SPTY2D1: variants seen among roughly 807,000 people sequenced by gnomAD.
The protein encoded by SPTY2D1 is SPT2 chromatin protein domain containing 1, also known as protein SPT2 homolog.
In SPTY2D1, 21 loss-of-function variants were observed where a neutral mutation model predicts 64.0. The observed-to-expected ratio is 0.33, with a 90% CI of 0.23 to 0.47. The LOEUF is 0.47. Ranked by LOEUF, SPTY2D1 falls within the 20% of genes least tolerant of loss-of-function variation. The pLI, the probability that SPTY2D1 is intolerant of heterozygous loss-of-function variation, is 1.00. For missense variants in SPTY2D1, 724 were observed against 837.2 expected (o/e 0.86, Z 1.67); for synonymous variants, 287 against 286.8 (o/e 1.00, Z -0.01).
At chr11:18,623,244 AG>A (rs889274585) in intron 1 of SPTY2D1, among the ~76,000 whole-genome samples, 3 of 152,196 alleles carry the variant, frequency 2.0e-5, no homozygotes, top group Admixed American at 6.5e-5. Flanking sequence ...ATGTTGTTGA[AG>A]GGTCAACTGC....
At chr11:18,631,604 A>AAC (rs1554989514) in intron 1 of SPTY2D1, among the ~76,000 whole-genome samples, 1 of 48,398 alleles carries the variant, frequency 2.1e-5, no homozygotes, top group Non-Finnish European at 5.2e-5. Flanking sequence ...ATAGATAACA[A>AAC]AAAAAAAAAA....
chr11:18,626,544 C>T (rs1854502160), intron 1 of SPTY2D1, among the ~76,000 whole-genome samples: 1 of 152,164 alleles, frequency 6.6e-6, no homozygotes, highest in Non-Finnish European at 1.5e-5. Context: ...ACACGCCCCT[C>T]ATTCAACACA....
intron 1 of SPTY2D1, among the ~76,000 whole-genome samples, chr11:18,625,042 C>T (rs1854473731): frequency 6.6e-6 from 1 of 152,100 alleles, no homozygotes. Flanking sequence ...TGTTCTTTAC[C>T]CAGGAGATAA....
At chr11:18,609,976 GT>G in intron 5 of SPTY2D1, 22 bp from the exon 6 acceptor site, 1 of 1,602,298 alleles carries the variant, frequency 6.2e-7, no homozygotes, top group Non-Finnish European at 8.5e-7. Context: ...TTTTTAAAGG[GT>G]ATTTGTCAAT....
chr11:18,623,192 G>T (rs1441502417), intron 1 of SPTY2D1, among the ~76,000 whole-genome samples: 1 of 151,810 alleles, frequency 6.6e-6, no homozygotes, highest in African/African-American at 2.4e-5. Flanking sequence ...AAACTTATTG[G>T]AAAAAAATCC....
chr11:18,609,757 T>C lies in SPTY2D1; in HGVS notation c.*104A>G. ...ACAGTATGCATTCCTTCTCCTTGAG[T>C]ACCCAAGTATAAATCTAAAATGATA... On this transcript the variant is annotated 3_prime_UTR_variant, in exon 6 of 6. Coordinates refer to ENST00000336349, the MANE Select transcript of SPTY2D1 (RefSeq NM_194285.3). The C allele has an allele frequency of 1.1e-6, 1 of 930,662 alleles. No individual in the cohort carries two copies. Among genetic ancestry groups the C allele is most frequent in the Non-Finnish European group, 1.7e-6 (1 of 598,804 alleles). 57.7% of individuals were successfully genotyped at this position (930,662 alleles called of 1,614,324 possible).
chr11:18,613,678 T>C (rs945234237), intron 3 of SPTY2D1, among the ~76,000 whole-genome samples: 1 of 152,164 alleles, frequency 6.6e-6, no homozygotes, highest in Admixed American at 6.5e-5. Flanking sequence ...CATTGGTTCC[T>C]TTTTATATTC....
At chr11:18,620,653 A>C (rs532280029) in intron 1 of SPTY2D1, among the ~76,000 whole-genome samples, 1 of 151,546 alleles carries the variant, frequency 6.6e-6, no homozygotes, top group Non-Finnish European at 1.5e-5. Flanking sequence ...TTGGGAGGCC[A>C]AGGCGGGCGG....
rs1308055889 is a variant in SPTY2D1 at position 18,615,211 on chromosome 11, G to C, written c.1063C>G (p.Pro355Ala). 1.9e-6 allele frequency: 3 copies of C among 1,614,118 alleles called. No homozygotes were observed. The East Asian group carries it at 6.7e-5, about 36-fold the overall frequency. ...GCCTTATTGTGTGGGGTGACCATGGGCCCAGGCCTGGAATGGCTAGGATGG... is the reference window on the plus strand; with the variant it reads ...GCCTTATTGTGTGGGGTGACCATGGCCCCAGGCCTGGAATGGCTAGGATGG... ...LSHPSHSRPG[P>A]MVTPHNKAKS... The change falls in exon 3 of 6, where the codon CCC becomes GCC. Residue 355 changes from proline to alanine, a missense_variant. Transcript: ENST00000336349.
chr11:18,634,319 C>G lies in SPTY2D1; in HGVS notation c.-62G>C, dbSNP rs1854636293. The G allele has an allele frequency of 1.3e-6, 2 of 1,580,940 alleles. No individual in the cohort carries two copies. The highest frequency in any genetic ancestry group is 2.2e-5 in the East Asian group (1 of 44,716). On this transcript the variant is annotated 5_prime_UTR_variant, in exon 1 of 6. Coordinates refer to ENST00000336349, the MANE Select transcript of SPTY2D1 (RefSeq NM_194285.3). ...GGAAAGGACTGACAGCGCACCTAAC[C>G]GAGGCGCCCAGCTACAGCCAACTGC... is the stretch of plus-strand genomic sequence containing the variant.
chr11:18,613,452 G>T (rs894008344), intron 3 of SPTY2D1, among the ~76,000 whole-genome samples: 4 of 152,084 alleles, frequency 2.6e-5, no homozygotes, highest in Non-Finnish European at 5.9e-5. Flanking sequence ...CTCAACCTTA[G>T]CTCAATGACA....
intron 1 of SPTY2D1, among the ~76,000 whole-genome samples, chr11:18,623,696 G>C (rs1351447634): frequency 6.6e-6 from 1 of 152,210 alleles, no homozygotes; most frequent in African/African-American, 2.4e-5. Context: ...ATGAACTCCT[G>C]CCTGATTTTC....
At position 18,606,778 on chromosome 11, in the gene SPTY2D1, C is replaced by T. The variant is rs920483989; in HGVS notation, c.*3083G>A. The T allele has an allele frequency of 7.2e-5, 28 of 388,096 alleles. No homozygotes were observed. In the Admixed American group the frequency reaches 1.1e-3, roughly 15 times the overall value. The allele number at this position is 388,096 out of a possible 1,614,324, so 24.0% of individuals were successfully genotyped here. On this transcript the variant is annotated 3_prime_UTR_variant, in exon 6 of 6. Transcript: ENST00000336349. Reference sequence around the variant, plus strand: ...TATCTCAGAAATTTACCAATAGCTGCTTTTAAGTTACAAAATACAAAACAA... The same window carrying T: ...TATCTCAGAAATTTACCAATAGCTGTTTTTAAGTTACAAAATACAAAACAA...
intron 1 of SPTY2D1, among the ~76,000 whole-genome samples, chr11:18,624,065 A>AT: frequency 6.6e-6 from 1 of 152,342 alleles, no homozygotes; most frequent in South Asian, 2.1e-4. Flanking sequence ...ATATGACCAC[A>AT]GATCTTTTTC....
At chr11:18,610,686 A>AAAAAAAAAAAAAAAAAAAC (rs1554987436) in intron 5 of SPTY2D1, among the ~76,000 whole-genome samples, 89 of 147,260 alleles carry the variant, frequency 6.0e-4, no homozygotes, top group African/African-American at 1.3e-3. Context: ...AAAAAAAAAA[A>AAAAAAAAAAAAAAAAAAAC]AACAACAATA....
In SPTY2D1 at chr11:18,613,206, T is replaced by C. The variant is rs949057493; in HGVS notation, c.1712-718A>G. ...AATTTAAAGTTGAATGAAGTATGAA[T>C]GACTCTCAGAATTATATTGTTCAAA... On this transcript the variant is annotated intron_variant, in intron 3 of 5. Coordinates refer to ENST00000336349, the MANE Select transcript of SPTY2D1 (RefSeq NM_194285.3). 2.6e-5 allele frequency among the ~76,000 whole-genome samples: 4 copies of C among 152,376 alleles called. No homozygotes were observed. In the East Asian group the frequency reaches 7.7e-4, roughly 29 times the overall value.
At position 18,622,101 on chromosome 11, in the gene SPTY2D1, A is replaced by ACAAAAAAAAAAC. The variant is rs1554988498; in HGVS notation, c.61-5113_61-5112insGTTTTTTTTTTG. On this transcript the variant is annotated intron_variant, in intron 1 of 5. Transcript: ENST00000336349. ...GACCCTATCTCAAAAAAAAAAAAAA[A>ACAAAAAAAAAAC]AAACCAAAACCAAAACCAAAAAAAC... Among the ~76,000 whole-genome samples, 16 of 81,282 alleles carry ACAAAAAAAAAAC rather than the reference A, an allele frequency of 2.0e-4. 3 individuals are homozygous for ACAAAAAAAAAAC. Among genetic ancestry groups the ACAAAAAAAAAAC allele is most frequent in the Non-Finnish European group, 3.7e-4 (13 of 34,844 alleles). 53.3% of individuals were successfully genotyped at this position (81,282 alleles called of 152,430 possible).
In SPTY2D1 at chr11:18,614,637, T is replaced by C. The variant is rs1389021927; in HGVS notation, c.1637A>G (p.Asn546Ser). The change falls in exon 3 of 6, where the codon AAT becomes AGT. Residue 546 changes from asparagine to serine, a missense_variant. Coordinates refer to ENST00000336349, the MANE Select transcript of SPTY2D1 (RefSeq NM_194285.3). The part of the protein sequence containing the change: ...TVVSETISSK[N>S]IISRSSNGQM... The stretch of plus-strand genomic sequence containing the variant: ...TCCATTGCTGGACCGGCTAATGATA[T>C]TCTTGGAAGAAATTGTTTCGGAGAC... 2 of 1,614,174 alleles carry C rather than the reference T, an allele frequency of 1.2e-6. No individual in the cohort carries two copies. The highest frequency in any genetic ancestry group is 2.7e-5 in the African/African-American group (2 of 74,964).
chr11:18,616,444 T>G (rs1022136926), intron 2 of SPTY2D1, among the ~76,000 whole-genome samples: 1 of 152,206 alleles, frequency 6.6e-6, no homozygotes, highest in Non-Finnish European at 1.5e-5. Context: ...TTCTTTGTAT[T>G]TGCATGAAGT....
Sources: gnomAD v4.1 joint callset for allele counts (sites outside exome capture counted in the v4.1 genomes callset) on GRCh38, gnomAD v4.1.1 for gene constraint, MANE v1.5 for transcripts, NCBI Gene and HGNC (gene_info 2026-07-23, HGNC 2026-07-21) for gene names.